Variants in TMPRSS4 observed in about 807,000 individuals in gnomAD.
TMPRSS4 encodes transmembrane protease serine 4.
Under a neutral mutation model 56.4 loss-of-function variants are expected in TMPRSS4, and 45 were observed. The ratio of observed to expected loss-of-function variants is 0.80; its 90% CI spans 0.63 to 1.02. TMPRSS4 has a LOEUF of 1.02. Among genes scored for constraint, TMPRSS4 ranks in the 50% least tolerant of loss-of-function variants. The probability of loss-of-function intolerance (pLI) is 0.00; values close to 1 mark genes in which losing one functional copy is unlikely to be tolerated. For synonymous variants in TMPRSS4, 205 were observed against 211.0 expected, an observed-to-expected ratio of 0.97 and a Z score of 0.25; for missense variants, 546 against 556.7, an observed-to-expected ratio of 0.98 and a Z score of 0.19.
intron 1 of TMPRSS4, among the ~76,000 whole-genome samples, chr11:118,088,729 C>T (rs182877247): frequency 5.3e-5 from 8 of 152,238 alleles, no homozygotes; most frequent in African/African-American, 1.7e-4. Flanking sequence ...TGGGCTGGGC[C>T]GGGGCTGTAA....
intron 3 of TMPRSS4, among the ~76,000 whole-genome samples, chr11:118,100,048 G>A (rs567890801): frequency 3.3e-5 from 5 of 152,248 alleles, no homozygotes; most frequent in Admixed American, 3.3e-4. Flanking sequence ...GGGCACTGGG[G>A]ACCAGACTAG....
At chr11:118,114,114 T>G (rs1168932917) in intron 9 of TMPRSS4, among the ~76,000 whole-genome samples, 2 of 152,248 alleles carry the variant, frequency 1.3e-5, no homozygotes, top group Non-Finnish European at 2.9e-5. Flanking sequence ...TTAAATTTAT[T>G]TGACCACAGA....
rs180750247 is a variant in TMPRSS4, at chr11:118,081,343, G to A, written c.3+4038G>A. Reference sequence around the variant, plus strand: ...TGGTGATAGGGAAGGGGAAGAGTGGGGCAGAGCCAATGTGGCAATCCCCCT... The same window carrying A: ...TGGTGATAGGGAAGGGGAAGAGTGGAGCAGAGCCAATGTGGCAATCCCCCT... On this transcript the variant is annotated intron_variant, in intron 1 of 12. Transcript: ENST00000437212. Among the ~76,000 whole-genome samples, 4 of 152,272 alleles carry A rather than the reference G, an allele frequency of 2.6e-5. No individual in the cohort carries two copies. The East Asian group carries it at 5.8e-4, about 22-fold the overall frequency.
chr11:118,123,741 G>A (rs181419298), downstream of TMPRSS4, among the ~76,000 whole-genome samples: 2,246 of 152,148 alleles, frequency 0.015, 26 homozygotes, highest in Non-Finnish European at 0.024. Context: ...AGCCAGGATG[G>A]TCTTGATCTC....
chr11:118,099,262 G>A (rs1445073163), intron 3 of TMPRSS4, 164 bp downstream of exon 3: 3 of 523,786 alleles, frequency 5.7e-6, no homozygotes, highest in Non-Finnish European at 1.0e-5. Context: ...GTAAGTGGCA[G>A]CCCCGCCCCT....
chr11:118,116,040 A>G (rs2135463568), intron 11 of TMPRSS4, among the ~76,000 whole-genome samples: 1 of 151,582 alleles, frequency 6.6e-6, no homozygotes, highest in Non-Finnish European at 1.5e-5. Context: ...GGCCATCAGG[A>G]CTGCTTAGCA....
intron 11 of TMPRSS4, among the ~76,000 whole-genome samples, chr11:118,115,759 G>C (rs1032664716): frequency 1.3e-5 from 2 of 152,144 alleles, no homozygotes; most frequent in Admixed American, 1.3e-4. Context: ...GGAGGCAGAG[G>C]TTGCAGTAAG....
chr11:118,085,612 A>G (rs1403259977), intron 1 of TMPRSS4, among the ~76,000 whole-genome samples: 1 of 152,238 alleles, frequency 6.6e-6, no homozygotes, highest in Admixed American at 6.5e-5. Flanking sequence ...AGACTGCTCC[A>G]TGGATGGCAG....
chr11:118,098,370 T>C (rs1946528319), intron 2 of TMPRSS4, among the ~76,000 whole-genome samples: 1 of 152,218 alleles, frequency 6.6e-6, no homozygotes. Context: ...TTTGAAGATG[T>C]CTCTATTATA....
intron 8 of TMPRSS4, among the ~76,000 whole-genome samples, chr11:118,112,440 T>A (rs1947323794): frequency 8.2e-6 from 1 of 122,176 alleles, no homozygotes; most frequent in South Asian, 3.0e-4. Flanking sequence ...TTGCTTAGGC[T>A]GGAGCGCAGC....
At chr11:118,106,409 A>G (rs1278005324) in intron 5 of TMPRSS4, 1 of 151,816 alleles carries the variant, frequency 6.6e-6, no homozygotes, top group African/African-American at 2.4e-5. Context: ...TCCTCTCTCT[A>G]GATCGGAGGC....
Position 118,111,769 on chromosome 11 carries a change from T to A in TMPRSS4, c.612T>A (p.Arg204=). The A allele has an allele frequency of 6.3e-7, 1 of 1,597,000 alleles. No individual in the cohort carries two copies. Among genetic ancestry groups the A allele is most frequent in the Non-Finnish European group, 8.5e-7 (1 of 1,172,796 alleles). The change falls in exon 8 of 13, where the codon CGT becomes CGA. Residue 204 remains arginine, a synonymous_variant. Coordinates refer to ENST00000437212, the MANE Select transcript of TMPRSS4 (RefSeq NM_019894.4). ...GTGGGAAGAGCCTGAAGACCCCCCG[T>A]GTGGTGGGTGTGGAGGAGGCCTCTG... ...LACGKSLKTP[R]VVGVEEASVD...
At position 118,114,812 on chromosome 11, in the gene TMPRSS4, C is replaced by T. The variant is rs892703722; in HGVS notation, c.911-17C>T. On this transcript the variant is annotated splice_polypyrimidine_tract_variant and intron_variant, in intron 9 of 12. Transcript: ENST00000437212. ...TGATGAATAAAAGATCTCCTTCTTC[C>T]TCTGTGCTCCTGGCAGGCACAGTCA... 5.7e-6 allele frequency: 9 copies of T among 1,588,950 alleles called. No individual in the cohort carries two copies. Among genetic ancestry groups the T allele is most frequent in the Non-Finnish European group, 6.9e-6 (8 of 1,165,946 alleles).
intron 4 of TMPRSS4, among the ~76,000 whole-genome samples, chr11:118,103,709 G>A (rs562208960): frequency 6.6e-6 from 1 of 152,162 alleles, no homozygotes; most frequent in Admixed American, 6.6e-5. Context: ...GCAGGACCCT[G>A]TCTTGTCTAC....
In TMPRSS4 at chr11:118,096,911, G is replaced by GAA. The variant is rs1565422652; in HGVS notation, c.43+2056_43+2057insAA. Among the ~76,000 whole-genome samples, 13 of 29,400 alleles carry GAA rather than the reference G, an allele frequency of 4.4e-4. 1 individual carries two copies. The highest frequency in any genetic ancestry group is 7.5e-4 in the African/African-American group (5 of 6,646). 19.3% of individuals were successfully genotyped at this position (29,400 alleles called of 152,430 possible). A position where few individuals can be genotyped will look rare whatever the true frequency, so the allele number is the denominator to read the frequency against. On this transcript the variant is annotated intron_variant, in intron 2 of 12. Transcript: ENST00000437212. The stretch of plus-strand genomic sequence containing the variant: ...AGAAAGAAAGAAAGAAAGAAAGAAA[G>GAA]GGAGAGAGAAAGGAAAGAAAGAAAG...
At chr11:118,081,344 G>T (rs1226495481) in intron 1 of TMPRSS4, among the ~76,000 whole-genome samples, 1 of 152,174 alleles carries the variant, frequency 6.6e-6, no homozygotes, top group Non-Finnish European at 1.5e-5. Flanking sequence ...GAAGAGTGGG[G>T]CAGAGCCAAT....
chr11:118,119,877 A>G lies in TMPRSS4; in HGVS notation c.*1964A>G, dbSNP rs1258183402. ...AACTGTGGTCAAATGCACATAACAC[A>G]AGTTGCCATCTTCACCATTTTTAGG... On this transcript the variant is annotated 3_prime_UTR_variant, in exon 13 of 13. Transcript: ENST00000437212. 6.6e-6 allele frequency: 1 copy of G among 152,206 alleles called. No homozygotes were observed. The highest frequency in any genetic ancestry group is 1.5e-5 in the Non-Finnish European group (1 of 68,026). 9.4% of individuals were successfully genotyped at this position (152,206 alleles called of 1,614,324 possible).
chr11:118,087,062 A>G (rs1945615882), intron 1 of TMPRSS4, among the ~76,000 whole-genome samples: 1 of 152,068 alleles, frequency 6.6e-6, no homozygotes, highest in South Asian at 2.1e-4. Context: ...CACCTGCCCA[A>G]GCCTCAAAGG....
Position 118,103,515 on chromosome 11 carries a change from G to T in TMPRSS4, c.310+262G>T, listed in dbSNP as rs1035997030. Among the ~76,000 whole-genome samples, 3 of 152,262 alleles carry T rather than the reference G, an allele frequency of 2.0e-5. No homozygotes were observed. In the East Asian group the frequency reaches 5.8e-4, roughly 29 times the overall value. On this transcript the variant is annotated intron_variant, in intron 4 of 12. Transcript: ENST00000437212. ...TTCTGCCTCAGCCTCATGAGTAGCT[G>T]GGATTACAGGTGCCAGCCACCACGC...
Sources: allele counts gnomAD v4.1 joint callset (sites outside exome capture counted in the v4.1 genomes callset), GRCh38; gene constraint gnomAD v4.1.1; transcripts MANE v1.5; gene names NCBI Gene and HGNC (gene_info 2026-07-23, HGNC 2026-07-21).